The following C12orf42 variants were observed in gnomAD, a reference collection of about 807,000 sequenced individuals.
C12orf42 encodes the protein chromosome 12 open reading frame 42, also known as uncharacterized protein C12orf42.
Under a neutral mutation model 21.6 loss-of-function variants are expected in C12orf42, and 25 were observed. The ratio of observed to expected loss-of-function variants is 1.16; its 90% CI spans 0.84 to 1.62. The LOEUF (loss-of-function observed/expected upper bound fraction) is 1.62. Among genes scored for constraint, C12orf42 ranks in the 40% most tolerant of loss-of-function variants. The pLI is 0.00. For synonymous variants in C12orf42, 174 were observed against 175.0 expected (o/e 0.99, Z 0.05); for missense variants, 483 against 459.3 (o/e 1.05, Z -0.47).
chr12:103,211,225 T>G, the C12orf42 span, among the ~76,000 whole-genome samples: 1 of 152,226 alleles, frequency 6.6e-6, no homozygotes, highest in African/African-American at 2.4e-5. Flanking sequence ...TTTGTTTATC[T>G]AAACATCTTT....
the C12orf42 span, among the ~76,000 whole-genome samples, chr12:103,540,501 A>C: frequency 6.6e-5 from 10 of 152,186 alleles, no homozygotes; most frequent in African/African-American, 1.9e-4. Context: ...ACACCTTTAG[A>C]ATGTTTATAT....
chr12:103,350,296 A>G (rs572894528), intron 4 of C12orf42, among the ~76,000 whole-genome samples: 2 of 152,294 alleles, frequency 1.3e-5, no homozygotes, highest in South Asian at 4.1e-4. Context: ...ATCTTGCTCC[A>G]TCGCACCTGA....
chr12:103,329,088 C>T (rs534973795), intron 4 of C12orf42, among the ~76,000 whole-genome samples: 27 of 150,108 alleles, frequency 1.8e-4, no homozygotes, highest in African/African-American at 4.4e-4. Flanking sequence ...ATGGCAGGGA[C>T]GCAGGCATGC....
At chr12:103,105,070 C>G in the C12orf42 span, among the ~76,000 whole-genome samples, 1 of 152,288 alleles carries the variant, frequency 6.6e-6, no homozygotes, top group South Asian at 2.1e-4. Context: ...AAGGATTTGT[C>G]TTATACAGAA....
At chr12:103,467,082 A>G (rs1057417966) in intron 2 of C12orf42, among the ~76,000 whole-genome samples, 12 of 152,236 alleles carry the variant, frequency 7.9e-5, no homozygotes, top group African/African-American at 1.7e-4. Flanking sequence ...TGAACCTCTC[A>G]AACACCTGAG....
the C12orf42 span, among the ~76,000 whole-genome samples, chr12:103,554,972 G>A: frequency 0.13 from 20,275 of 152,152 alleles, 1,815 homozygotes; most frequent in Non-Finnish European, 0.18. Context: ...GCCTGGGAAA[G>A]GACGGTAGGC....
the C12orf42 span, among the ~76,000 whole-genome samples, chr12:103,183,456 T>C: frequency 6.6e-6 from 1 of 152,198 alleles, no homozygotes; most frequent in East Asian, 1.9e-4. Context: ...AATTTTATCT[T>C]TATTTTTATT....
chr12:103,166,322 A>G, the C12orf42 span, among the ~76,000 whole-genome samples: 1 of 152,224 alleles, frequency 6.6e-6, no homozygotes, highest in Admixed American at 6.5e-5. Context: ...TGGAGCTCCT[A>G]TTAAATGATA....
chr12:103,316,783 G>A (rs1033909567), intron 4 of C12orf42, among the ~76,000 whole-genome samples: 5 of 151,648 alleles, frequency 3.3e-5, no homozygotes, highest in East Asian at 1.9e-4. Flanking sequence ...CAAGCGCTTG[G>A]CACATAGTAA....
the C12orf42 span, among the ~76,000 whole-genome samples, chr12:103,225,452 G>A: frequency 3.3e-5 from 5 of 152,076 alleles, no homozygotes; most frequent in African/African-American, 4.8e-5. Flanking sequence ...GGGTGATTAG[G>A]TTTTAATAAG....
At chr12:103,312,846 G>C (rs564997888) in intron 4 of C12orf42, among the ~76,000 whole-genome samples, 4 of 152,194 alleles carry the variant, frequency 2.6e-5, no homozygotes, top group Admixed American at 2.0e-4. Context: ...CATTCCTTTT[G>C]AGCTGCAAAG....
intron 2 of C12orf42, among the ~76,000 whole-genome samples, chr12:103,404,181 G>T (rs1350366650): frequency 6.6e-6 from 1 of 152,166 alleles, no homozygotes; most frequent in African/African-American, 2.4e-5. Context: ...GCATATATTG[G>T]AGGTATCTGC....
At chr12:103,506,864 A>T in the C12orf42 span, among the ~76,000 whole-genome samples, 1 of 79,764 alleles carries the variant, frequency 1.3e-5, no homozygotes. Context: ...TATATTATAT[A>T]TATATATTTA....
At chr12:103,071,900 A>C in the C12orf42 span, among the ~76,000 whole-genome samples, 2,445 of 152,254 alleles carry the variant, frequency 0.016, 77 homozygotes, top group African/African-American at 0.056. Flanking sequence ...TGGTAAAGGC[A>C]GAAGAAACCT....
At chr12:103,509,146 T>C in the C12orf42 span, among the ~76,000 whole-genome samples, 4 of 152,228 alleles carry the variant, frequency 2.6e-5, no homozygotes, top group African/African-American at 9.6e-5. Flanking sequence ...GTGTTCAGTA[T>C]AGCAGCTTTA....
chr12:103,300,933 A>C (rs78456358), downstream of C12orf42, among the ~76,000 whole-genome samples: 602 of 152,324 alleles, frequency 4.0e-3, 5 homozygotes, highest in African/African-American at 0.013. Context: ...AATCATATTA[A>C]TCTGGAACCA....
chr12:103,404,408 C>T (rs1298276446), intron 2 of C12orf42, among the ~76,000 whole-genome samples: 1 of 152,162 alleles, frequency 6.6e-6, no homozygotes, highest in African/African-American at 2.4e-5. Context: ...CAGTCATTAA[C>T]CTGATTTTCT....
the C12orf42 span, among the ~76,000 whole-genome samples, chr12:103,058,996 T>G: frequency 6.6e-6 from 1 of 151,598 alleles, no homozygotes; most frequent in Non-Finnish European, 1.5e-5. Context: ...CTGAAGGAGA[T>G]AGAGACATGA....
chr12:103,540,579 C>T, the C12orf42 span, among the ~76,000 whole-genome samples: 3 of 151,962 alleles, frequency 2.0e-5, no homozygotes, highest in Non-Finnish European at 4.4e-5. Context: ...TGTTTTTTGC[C>T]TTCAGGTCTA....
Sources: gnomAD v4.1 joint callset for allele counts (sites outside exome capture counted in the v4.1 genomes callset) on GRCh38, gnomAD v4.1.1 for gene constraint, MANE v1.5 for transcripts, NCBI Gene and HGNC (gene_info 2026-07-23, HGNC 2026-07-21) for gene names.